The following DPP6 variants were observed in gnomAD, a reference collection of about 807,000 sequenced individuals.
The protein encoded by DPP6 is dipeptidyl peptidase like 6, also known as A-type potassium channel modulatory protein DPP6.
In DPP6, 69 loss-of-function variants were observed where a neutral mutation model predicts 122.6. That is an observed-to-expected ratio of 0.56 (90% CI 0.46 to 0.69). DPP6 has a LOEUF of 0.69. DPP6 is among the 30% of genes least tolerant of loss of function. DPP6 has a pLI of 0.00. For missense variants in DPP6, 928 were observed against 1,116.9 expected, an observed-to-expected ratio of 0.83 and a Z score of 2.41; for synonymous variants, 418 against 433.1, an observed-to-expected ratio of 0.97 and a Z score of 0.43.
At position 154,657,714 on chromosome 7, in the gene DPP6, G is replaced by A. The variant is rs1837361959; in HGVS notation, c.681-11646G>A. Among the ~76,000 whole-genome samples, 2 of 126,288 alleles carry A rather than the reference G, an allele frequency of 1.6e-5. 1 individual carries two copies. Among genetic ancestry groups the A allele is most frequent in the African/African-American group, 5.7e-5 (2 of 35,308 alleles). The allele number at this position is 126,288 out of a possible 152,430, so 82.8% of individuals were successfully genotyped here. On this transcript the variant is annotated intron_variant, in intron 6 of 25. Coordinates refer to ENST00000377770, the MANE Select transcript of DPP6 (RefSeq NM_130797.4). ...TGCGTGGGAGGAGGTGCTCATAGGT[G>A]GGTGGAGAGGCTACGTGGGAGGAGG...
At chr7:154,035,963 A>G (rs1281371234) in intron 1 of DPP6, among the ~76,000 whole-genome samples, 1 of 151,968 alleles carries the variant, frequency 6.6e-6, no homozygotes, top group Admixed American at 6.5e-5. Flanking sequence ...GCCCAGTGAA[A>G]GGAGAGTATG....
chr7:154,644,544 G>A (rs564874680), intron 6 of DPP6, among the ~76,000 whole-genome samples: 1 of 152,232 alleles, frequency 6.6e-6, no homozygotes, highest in South Asian at 2.1e-4. Context: ...TTCTTCCTGT[G>A]TGTGAGTCTC....
intron 1 of DPP6, among the ~76,000 whole-genome samples, chr7:154,432,733 T>C (rs1208841801): frequency 1.3e-5 from 2 of 152,168 alleles, no homozygotes; most frequent in Admixed American, 6.5e-5. Context: ...GGGTTTCAAA[T>C]TTTGAGTTTT....
At chr7:154,208,701 C>G (rs1015835770) in intron 1 of DPP6, among the ~76,000 whole-genome samples, 1 of 151,908 alleles carries the variant, frequency 6.6e-6, no homozygotes, top group African/African-American at 2.4e-5. Flanking sequence ...AGGTGATGCT[C>G]CAGATAGCAC....
At chr7:153,956,737 A>G (rs1036799271) in intron 1 of DPP6, among the ~76,000 whole-genome samples, 1 of 152,194 alleles carries the variant, frequency 6.6e-6, no homozygotes, top group Non-Finnish European at 1.5e-5. Flanking sequence ...CCTGGCAGCA[A>G]TCTTTCTTCT....
chr7:153,996,153 A>C (rs987182566), intron 1 of DPP6, among the ~76,000 whole-genome samples: 4 of 152,160 alleles, frequency 2.6e-5, no homozygotes, highest in Admixed American at 2.0e-4. Context: ...ATGATGTTTC[A>C]AGAGACACTC....
At chr7:153,954,743 C>T (rs559104874) in intron 1 of DPP6, among the ~76,000 whole-genome samples, 9 of 152,306 alleles carry the variant, frequency 5.9e-5, no homozygotes, top group African/African-American at 2.2e-4. Flanking sequence ...AGCAGACGGC[C>T]TTTGGACTTG....
At chr7:154,061,716 G>C (rs12671514) in intron 1 of DPP6, among the ~76,000 whole-genome samples, 4,406 of 82,020 alleles carry the variant, frequency 0.054, 47 homozygotes, top group African/African-American at 0.1. Context: ...GGCAATCCCC[G>C]CGAGGCGGGG....
chr7:153,919,016 A>G (rs1800511263), intron 1 of DPP6, among the ~76,000 whole-genome samples: 1 of 151,882 alleles, frequency 6.6e-6, no homozygotes, highest in African/African-American at 2.4e-5. Flanking sequence ...GAGTAATAAA[A>G]TCAGAACTAT....
At chr7:153,930,366 G>A (rs1456592405) in intron 1 of DPP6, among the ~76,000 whole-genome samples, 2 of 152,130 alleles carry the variant, frequency 1.3e-5, no homozygotes, top group Non-Finnish European at 2.9e-5. Context: ...GTGGGTCATT[G>A]TCTTCATGGA....
At chr7:153,982,352 A>G (rs1796630104) in intron 1 of DPP6, among the ~76,000 whole-genome samples, 1 of 151,602 alleles carries the variant, frequency 6.6e-6, no homozygotes, top group Non-Finnish European at 1.5e-5. Flanking sequence ...TGATACTTGT[A>G]TATGCTTCAC....
intron 5 of DPP6, among the ~76,000 whole-genome samples, chr7:154,590,928 T>A (rs530117447): frequency 1.2e-4 from 19 of 152,332 alleles, no homozygotes; most frequent in African/African-American, 4.6e-4. Flanking sequence ...AGGAATGAGA[T>A]GGCCACAGTC....
chr7:154,480,624 C>A (rs78346927), intron 3 of DPP6, among the ~76,000 whole-genome samples: 1 of 152,188 alleles, frequency 6.6e-6, no homozygotes, highest in East Asian at 1.9e-4. Context: ...CATGGCTGCA[C>A]GCCCTCCCTT....
chr7:154,587,873 T>C (rs199849040), intron 5 of DPP6: 89 of 1,612,884 alleles, frequency 5.5e-5, no homozygotes, highest in Middle Eastern at 1.7e-4. Context: ...GTTTCAGATA[T>C]TCCATGGAGA....
chr7:154,391,242 T>G (rs1406400766), intron 1 of DPP6, among the ~76,000 whole-genome samples: 1 of 152,204 alleles, frequency 6.6e-6, no homozygotes, highest in Non-Finnish European at 1.5e-5. Flanking sequence ...TTGCTGTGTT[T>G]TACTCAGTCC....
intron 17 of DPP6, among the ~76,000 whole-genome samples, chr7:154,860,441 C>G (rs911046574): frequency 3.3e-5 from 5 of 152,144 alleles, no homozygotes; most frequent in African/African-American, 1.2e-4. Flanking sequence ...TGGAAGGACC[C>G]CAGGTTGCAG....
At chr7:153,770,472 T>A in the DPP6 span, among the ~76,000 whole-genome samples, 11 of 150,552 alleles carry the variant, frequency 7.3e-5, no homozygotes, top group Admixed American at 2.6e-4. Context: ...CAATAACGAA[T>A]CCCAAACCCA....
intron 3 of DPP6, among the ~76,000 whole-genome samples, chr7:154,517,213 G>C (rs1240076770): frequency 6.6e-6 from 1 of 152,168 alleles, no homozygotes; most frequent in Admixed American, 6.5e-5. Context: ...TATTTATTTG[G>C]TGTTCTAGGT....
At chr7:154,549,060 A>G (rs1290469723) in intron 4 of DPP6, among the ~76,000 whole-genome samples, 2 of 152,180 alleles carry the variant, frequency 1.3e-5, no homozygotes, top group African/African-American at 4.8e-5. Flanking sequence ...AGGTGGAGAG[A>G]GGTCTTCAGG....
Sources: gnomAD v4.1 joint callset for allele counts (sites outside exome capture counted in the v4.1 genomes callset) on GRCh38, gnomAD v4.1.1 for gene constraint, MANE v1.5 for transcripts, NCBI Gene and HGNC (gene_info 2026-07-23, HGNC 2026-07-21) for gene names.